The following VWA2 variants were observed in gnomAD, a reference collection of about 807,000 sequenced individuals.
VWA2 encodes the protein von Willebrand factor A domain containing 2, also known as von Willebrand factor A domain-containing protein 2.
A neutral mutation model predicts 70.4 loss-of-function variants in VWA2; 73 were observed. The ratio of observed to expected loss-of-function variants is 1.04; its 90% CI spans 0.86 to 1.26. VWA2 has a LOEUF of 1.26. Ranked by LOEUF, VWA2 falls within the 50% of genes most tolerant of loss-of-function variation. The pLI is 0.00. For missense variants in VWA2, 1,011 were observed against 998.5 expected (o/e 1.01, Z -0.17); for synonymous variants, 407 against 423.3 (o/e 0.96, Z 0.47).
chr10:114,286,329 G>A lies in VWA2; in HGVS notation c.1388G>A (p.Gly463Asp), dbSNP rs1371496008. The change falls in exon 11 of 14, where the codon GGC becomes GAC. Residue 463 changes from glycine to aspartate, a missense_variant. Physicochemically the swap from Gly to Asp is moderately conservative, Grantham distance 94 (BLOSUM62 -1). Transcript: ENST00000392982. ...TESHSEDEVAGPARHARAREL... is the reference protein window; with the variant it reads ...TESHSEDEVADPARHARAREL... ...TCACACTCCGAGGATGAGGTTGCGG[G>A]CCCAGCGCGTCACGCAAGGGCGCGA... The A allele has an allele frequency of 6.2e-7, 1 of 1,612,888 alleles. No individual in the cohort carries two copies. Among genetic ancestry groups the A allele is most frequent in the Admixed American group, 1.7e-5 (1 of 59,972 alleles).
rs138936951 is a variant in VWA2, at chr10:114,281,947, C to T, written c.834-569C>T. On this transcript the variant is annotated intron_variant, in intron 8 of 13. Transcript: ENST00000392982. Reference sequence around the variant, plus strand: ...TCAGAAAGTAACTTATAATAAAAAGCTGTTGCTACAGTTTGGGGTTTTGCA... The same window carrying T: ...TCAGAAAGTAACTTATAATAAAAAGTTGTTGCTACAGTTTGGGGTTTTGCA... 3.9e-3 allele frequency among the ~76,000 whole-genome samples: 597 copies of T among 151,626 alleles called. 9 individuals carry two copies. Among genetic ancestry groups the T allele is most frequent in the African/African-American group, 0.013 (542 of 41,348 alleles).
At position 114,291,995 on chromosome 10, in the gene VWA2, C is replaced by T. The variant is rs1302802148; in HGVS notation, c.*758C>T. 1.3e-5 allele frequency among the ~76,000 whole-genome samples: 2 copies of T among 152,176 alleles called. No individual in the cohort carries two copies. The highest frequency in any genetic ancestry group is 1.9e-4 in the East Asian group (1 of 5,170). The stretch of plus-strand genomic sequence containing the variant: ...AGGGTCTTCCTTTCAAAAGAGGCTG[C>T]GGCCAGAGACTGTGGCTCATGCCTG... On this transcript the variant is annotated 3_prime_UTR_variant, in exon 14 of 14. Transcript: ENST00000392982.
chr10:114,282,017 C>CTTTTTTT (rs144974085), intron 8 of VWA2, among the ~76,000 whole-genome samples: 1 of 119,662 alleles, frequency 8.4e-6, no homozygotes, highest in Non-Finnish European at 1.7e-5. Flanking sequence ...CTTATGTTAC[C>CTTTTTTT]TTTTTTTTTT....
chr10:114,285,798 G>A (rs2038796263), intron 10 of VWA2, 141 bp from the exon 11 acceptor site: 5 of 887,476 alleles, frequency 5.6e-6, no homozygotes, highest in Admixed American at 3.0e-5. Flanking sequence ...ACTCTGTGAC[G>A]AGCACGGGTC....
intron 4 of VWA2, among the ~76,000 whole-genome samples, chr10:114,255,446 G>A (rs1380250992): frequency 6.6e-6 from 1 of 152,200 alleles, no homozygotes; most frequent in African/African-American, 2.4e-5. Flanking sequence ...ACCAATCACA[G>A]TAGTCAGAGG....
chr10:114,243,937 C>A (rs2037018357), intron 1 of VWA2, among the ~76,000 whole-genome samples: 1 of 152,184 alleles, frequency 6.6e-6, no homozygotes, highest in East Asian at 1.9e-4. Flanking sequence ...GCGTGGAGAG[C>A]ATCTACATCC....
chr10:114,288,024 G>C (rs956781223), intron 11 of VWA2, among the ~76,000 whole-genome samples: 1 of 152,146 alleles, frequency 6.6e-6, no homozygotes, highest in Admixed American at 6.6e-5. Context: ...CAGAGCATCA[G>C]CTCCTCTAAC....
At chr10:114,255,128 G>C (rs923621786) in intron 4 of VWA2, 80 bp downstream of exon 4, 1 of 1,554,128 alleles carries the variant, frequency 6.4e-7, no homozygotes, top group Non-Finnish European at 8.8e-7. Flanking sequence ...AGCAGAGGAG[G>C]CATCTACTCG....
chr10:114,275,617 A>G (rs1331711177), intron 6 of VWA2, among the ~76,000 whole-genome samples: 1 of 152,170 alleles, frequency 6.6e-6, no homozygotes, highest in Non-Finnish European at 1.5e-5. Context: ...CCATGGACTG[A>G]TAACTTTTTA....
At chr10:114,274,761 C>T (rs1047082019) in intron 6 of VWA2, among the ~76,000 whole-genome samples, 4 of 152,008 alleles carry the variant, frequency 2.6e-5, no homozygotes, top group African/African-American at 9.7e-5. Flanking sequence ...TTCCATAGTG[C>T]TGGGATTACA....
chr10:114,253,857 T>A, intron 3 of VWA2, 132 bp downstream of exon 3: 1 of 867,774 alleles, frequency 1.2e-6, no homozygotes, highest in Non-Finnish European at 1.8e-6. Flanking sequence ...GCCAGAGTCA[T>A]TTTCCCCAAA....
chr10:114,290,011 G>A, intron 12 of VWA2: 2 of 321,306 alleles, frequency 6.2e-6, no homozygotes, highest in South Asian at 1.1e-4. Context: ...AAAAAAAAAA[G>A]TCTGCCATGT....
At chr10:114,283,119 A>G (rs186846474) in intron 9 of VWA2, among the ~76,000 whole-genome samples, 1 of 152,144 alleles carries the variant, frequency 6.6e-6, no homozygotes, top group Non-Finnish European at 1.5e-5. Flanking sequence ...ACTATCCCTC[A>G]CTTGGGGTGC....
At chr10:114,273,412 C>T (rs2037754755) in intron 6 of VWA2, among the ~76,000 whole-genome samples, 1 of 152,180 alleles carries the variant, frequency 6.6e-6, no homozygotes, top group South Asian at 2.1e-4. Flanking sequence ...GAGAAAAGAC[C>T]CCTTTCCACA....
intron 5 of VWA2, among the ~76,000 whole-genome samples, chr10:114,261,994 G>A (rs634997): frequency 0.46 from 69,961 of 151,862 alleles, 17,534 homozygotes; most frequent in African/African-American, 0.67. Flanking sequence ...CAAGAGAGAG[G>A]AGGAGGTGAC....
intron 4 of VWA2, among the ~76,000 whole-genome samples, chr10:114,259,991 T>G (rs920871378): frequency 2.7e-4 from 41 of 152,264 alleles, no homozygotes. Context: ...ATCTCCCACG[T>G]CCCACGCCTG....
At chr10:114,256,925 A>T (rs1464908002) in intron 4 of VWA2, among the ~76,000 whole-genome samples, 2 of 151,678 alleles carry the variant, frequency 1.3e-5, no homozygotes, top group East Asian at 1.9e-4. Context: ...AAAAAAAAAA[A>T]AAAAAAATTA....
chr10:114,267,395 T>C (rs970212321), intron 5 of VWA2, among the ~76,000 whole-genome samples: 1 of 147,008 alleles, frequency 6.8e-6, no homozygotes, highest in Non-Finnish European at 1.5e-5. Context: ...GGGATTACAG[T>C]TGTGAGCCAC....
intron 7 of VWA2, among the ~76,000 whole-genome samples, 157 bp downstream of exon 7, chr10:114,278,204 T>G (rs1245011505): frequency 6.6e-6 from 1 of 152,196 alleles, no homozygotes; most frequent in African/African-American, 2.4e-5. Context: ...TGCGTCTCCC[T>G]GTGCCCTGCC....
Sources: allele counts gnomAD v4.1 joint callset (sites outside exome capture counted in the v4.1 genomes callset), GRCh38; gene constraint gnomAD v4.1.1; transcripts MANE v1.5; gene names NCBI Gene and HGNC (gene_info 2026-07-23, HGNC 2026-07-21).